Variants in GALNTL6 observed in about 807,000 individuals in gnomAD.
GALNTL6 encodes the protein polypeptide N-acetylgalactosaminyltransferase like 6.
GALNTL6 carries 46 observed loss-of-function variants against 73.7 expected under a neutral mutation model. That is an observed-to-expected ratio of 0.62 (90% confidence interval 0.49 to 0.80). GALNTL6 has a LOEUF of 0.80. Among genes scored for constraint, GALNTL6 ranks in the 30% least tolerant of loss-of-function variants. GALNTL6 has a pLI of 0.00. For synonymous variants in GALNTL6, 259 were observed against 263.7 expected, an observed-to-expected ratio of 0.98 and a Z score of 0.17; for missense variants, 604 against 755.0, an observed-to-expected ratio of 0.80 and a Z score of 2.34.
intron 2 of GALNTL6, among the ~76,000 whole-genome samples, chr4:171,940,370 T>G (rs1030698564): frequency 2.6e-5 from 4 of 152,144 alleles, no homozygotes; most frequent in African/African-American, 9.7e-5. Flanking sequence ...TGACTCATCT[T>G]TGGAGCTCAC....
At position 172,251,968 on chromosome 4, in the gene GALNTL6, G is replaced by C. The variant is rs935566085; in HGVS notation, c.247+22204G>C. Among the ~76,000 whole-genome samples, 22 of 152,088 alleles carry C rather than the reference G, an allele frequency of 1.4e-4. 1 individual carries two copies. Among genetic ancestry groups the C allele is most frequent in the Admixed American group, 1.2e-3 (19 of 15,244 alleles). On this transcript the variant is annotated intron_variant, in intron 3 of 12. Transcript: ENST00000506823. ...ATTTATAGAATTTATAGCAAGTATAGAAGCAGATGATCACTCTGGAAAAAC... is the reference window on the plus strand; with the variant it reads ...ATTTATAGAATTTATAGCAAGTATACAAGCAGATGATCACTCTGGAAAAAC...
rs552874337 is a variant in GALNTL6, at chr4:173,040,906, A to C, written c.*806A>C. On this transcript the variant is annotated 3_prime_UTR_variant, in exon 13 of 13. Transcript: ENST00000506823. ...AAGAAAGATTTCACAGAAGCAGCAA[A>C]ACCATATAAGATTTAGGAGAGGGAC... The C allele has an allele frequency of 6.5e-6, 1 of 152,710 alleles. No homozygotes were observed. Among genetic ancestry groups the C allele is most frequent in the South Asian group, 2.1e-4 (1 of 4,818 alleles). 9.5% of individuals were successfully genotyped at this position (152,710 alleles called of 1,614,324 possible).
rs78118067 is a variant in GALNTL6, at chr4:172,577,778, T to C, written c.553+229089T>C. ...CAGGCACTCAGCAACTTTGTTGTCA[T>C]TCATGATTTCACCCAGATGGCCAGC... On this transcript the variant is annotated intron_variant, in intron 5 of 12. Transcript: ENST00000506823. Among the ~76,000 whole-genome samples the C allele has an allele frequency of 5.4e-3, 824 of 152,312 alleles. 9 individuals carry two copies. The highest frequency in any genetic ancestry group is 0.019 in the African/African-American group (771 of 41,570).
intron 5 of GALNTL6, among the ~76,000 whole-genome samples, chr4:172,708,269 CGTG>C (rs1210851721): frequency 6.6e-6 from 1 of 152,158 alleles, no homozygotes; most frequent in Non-Finnish European, 1.5e-5. Context: ...GGCAACACTT[CGTG>C]GTCTCAAACC....
chr4:172,190,500 G>GA (rs1370945047), intron 2 of GALNTL6, among the ~76,000 whole-genome samples: 1 of 151,806 alleles, frequency 6.6e-6, no homozygotes, highest in Middle Eastern at 3.4e-3. Context: ...GGTACACTGA[G>GA]AAAAAAAAGT....
intron 2 of GALNTL6, among the ~76,000 whole-genome samples, chr4:171,836,081 A>G (rs1259450624): frequency 6.6e-6 from 1 of 152,098 alleles, no homozygotes; most frequent in African/African-American, 2.4e-5. Flanking sequence ...TAGTAATATT[A>G]AAAGTAATAA....
chr4:172,596,672 A>C lies in GALNTL6; in HGVS notation c.554-212689A>C, dbSNP rs1737867962. Among the ~76,000 whole-genome samples, 3 of 152,298 alleles carry C rather than the reference A, an allele frequency of 2.0e-5. No individual in the cohort carries two copies. The South Asian group carries it at 6.2e-4, about 32-fold the overall frequency. ...CACTCTGTTTCTCTTTAATTATACT[A>C]AATTTCACTCTATAAAACACTTCAA... On this transcript the variant is annotated intron_variant, in intron 5 of 12. Transcript: ENST00000506823.
At chr4:172,765,769 T>A (rs1016306225) in intron 5 of GALNTL6, among the ~76,000 whole-genome samples, 21 of 151,942 alleles carry the variant, frequency 1.4e-4, no homozygotes, top group African/African-American at 5.1e-4. Context: ...GAACATAGAG[T>A]GTTTCTAGAT....
intron 2 of GALNTL6, among the ~76,000 whole-genome samples, chr4:172,137,702 G>A (rs1358310719): frequency 6.6e-6 from 1 of 152,152 alleles, no homozygotes; most frequent in African/African-American, 2.4e-5. Flanking sequence ...TGGATTCAAT[G>A]TGTTCTGTGA....
chr4:172,750,233 T>C (rs1737348652), intron 5 of GALNTL6, among the ~76,000 whole-genome samples: 1 of 152,176 alleles, frequency 6.6e-6, no homozygotes, highest in Non-Finnish European at 1.5e-5. Flanking sequence ...TAACACAACT[T>C]CAACAAAGTT....
intron 5 of GALNTL6, chr4:172,379,997 G>C (rs1297143163): frequency 1.2e-6 from 1 of 868,824 alleles, no homozygotes; most frequent in Non-Finnish European, 1.9e-6. Context: ...CAGAACAGGA[G>C]AAGTGATGCA....
At chr4:172,582,041 G>T (rs888229499) in intron 5 of GALNTL6, among the ~76,000 whole-genome samples, 1 of 152,138 alleles carries the variant, frequency 6.6e-6, no homozygotes, top group Non-Finnish European at 1.5e-5. Context: ...GAGTCTGATG[G>T]TTTGGTAACA....
chr4:172,214,754 C>A (rs1042564818), intron 2 of GALNTL6, among the ~76,000 whole-genome samples: 1 of 151,946 alleles, frequency 6.6e-6, no homozygotes, highest in Admixed American at 6.6e-5. Context: ...ACCTCATGAT[C>A]GGCCTGCCTT....
chr4:172,921,351 A>G (rs543143155), intron 8 of GALNTL6, among the ~76,000 whole-genome samples: 6 of 152,336 alleles, frequency 3.9e-5, no homozygotes, highest in Admixed American at 2.6e-4. Context: ...AACTAATTTC[A>G]TAGTTCATGT....
At chr4:172,351,196 T>C (rs1741930008) in intron 5 of GALNTL6, among the ~76,000 whole-genome samples, 2 of 150,370 alleles carry the variant, frequency 1.3e-5, no homozygotes, top group East Asian at 3.9e-4. Context: ...TCTATCTATC[T>C]ATCTATCTAT....
chr4:172,306,111 G>A (rs564331399), intron 3 of GALNTL6, among the ~76,000 whole-genome samples: 25 of 152,148 alleles, frequency 1.6e-4, no homozygotes, highest in African/African-American at 3.9e-4. Context: ...TATGTTGGCC[G>A]GGCGTGGTGG....
chr4:172,889,279 A>G (rs1745892142), intron 8 of GALNTL6, among the ~76,000 whole-genome samples: 1 of 152,206 alleles, frequency 6.6e-6, no homozygotes. Context: ...TCTAAGTAGG[A>G]CTACCAGTAC....
intron 8 of GALNTL6, among the ~76,000 whole-genome samples, chr4:172,908,589 G>A (rs1179105269): frequency 6.7e-6 from 1 of 149,254 alleles, no homozygotes; most frequent in East Asian, 2.0e-4. Context: ...AATTGCCTGG[G>A]TAAAATATGC....
At chr4:172,094,177 A>G (rs192190639) in intron 2 of GALNTL6, among the ~76,000 whole-genome samples, 1 of 152,298 alleles carries the variant, frequency 6.6e-6, no homozygotes, top group Non-Finnish European at 1.5e-5. Context: ...GTGGAACAGT[A>G]CATATTTACT....
Sources: allele counts gnomAD v4.1 joint callset (sites outside exome capture counted in the v4.1 genomes callset), GRCh38; gene constraint gnomAD v4.1.1; transcripts MANE v1.5; gene names NCBI Gene and HGNC (gene_info 2026-07-23, HGNC 2026-07-21).